DENND5A: variants seen among roughly 807,000 people sequenced by gnomAD.
DENND5A encodes the protein DENN domain-containing protein 5A.
DENND5A carries 64 observed loss-of-function variants against 140.3 expected under a neutral mutation model. That is an observed-to-expected ratio of 0.46 (90% CI 0.37 to 0.56). DENND5A has a LOEUF of 0.56. Ranked by LOEUF, DENND5A falls within the 20% of genes least tolerant of loss-of-function variation. DENND5A has a pLI of 0.00. For missense variants in DENND5A, 1,292 were observed against 1,593.8 expected (o/e 0.81, Z 3.22); for synonymous variants, 605 against 607.7 (o/e 1.00, Z 0.07).
chr11:9,193,203 G>A (rs780663501), intron 5 of DENND5A, among the ~76,000 whole-genome samples: 2 of 152,130 alleles, frequency 1.3e-5, no homozygotes, highest in Admixed American at 1.3e-4. Context: ...ACCCAGCCTG[G>A]GTAACACAGC....
chr11:9,207,165 T>C lies in DENND5A; in HGVS notation c.182-383A>G, dbSNP rs73402362. 4,332 of 456,130 alleles carry C rather than the reference T, an allele frequency of 9.5e-3. 145 individuals are homozygous for C. The highest frequency in any genetic ancestry group is 0.073 in the African/African-American group (3,550 of 48,874). 28.3% of individuals were successfully genotyped at this position (456,130 alleles called of 1,614,324 possible). A position where few individuals can be genotyped will look rare whatever the true frequency, so the allele number is the denominator to read the frequency against. On this transcript the variant is annotated intron_variant, in intron 2 of 22. Transcript: ENST00000328194. ...GTCAACTAAAAACATCACAGAAGCATATTTTACCTAAAATTCAGAATAAAC... is the reference window on the plus strand; with the variant it reads ...GTCAACTAAAAACATCACAGAAGCACATTTTACCTAAAATTCAGAATAAAC...
chr11:9,190,485 C>A (rs1226892300), intron 5 of DENND5A, among the ~76,000 whole-genome samples: 2 of 152,138 alleles, frequency 1.3e-5, no homozygotes, highest in Admixed American at 1.3e-4. Context: ...GGGAGTTTCC[C>A]TGCACAAGCT....
chr11:9,169,074 A>C (rs1848280671), intron 10 of DENND5A, among the ~76,000 whole-genome samples: 1 of 152,208 alleles, frequency 6.6e-6, no homozygotes, highest in African/African-American at 2.4e-5. Context: ...TCTTTTAAAG[A>C]AGAAGAAGAA....
chr11:9,201,408 CA>C (rs752009369), intron 4 of DENND5A, among the ~76,000 whole-genome samples: 65 of 151,266 alleles, frequency 4.3e-4, no homozygotes, highest in Non-Finnish European at 8.1e-4. Context: ...AGGCTGGGCA[CA>C]GTGGCGCCTG....
Position 9,203,909 on chromosome 11 carries a change from G to A in DENND5A, c.700C>T (p.Gln234Ter), listed in dbSNP as rs1554925064. Residue 234 changes from glutamine (Q) to a stop codon, truncating the protein, a stop_gained, in exon 4 of 23, where the codon CAG becomes TAG. Transcript: ENST00000328194. LOFTEE classifies it high-confidence loss of function. Reference protein sequence around the residue: ...EQLHQAVTSPQPPPLPLESYI... With the variant: ...EQLHQAVTSP ...CTCTCAAGGGGCAGTGGAGGGGGCT[G>A]AGGTGAAGTGACTGCCTGGTGGAGT... 1 of 1,614,166 alleles carries A rather than the reference G, an allele frequency of 6.2e-7. No individual in the cohort carries two copies. Among genetic ancestry groups the A allele is most frequent in the African/African-American group, 1.3e-5 (1 of 75,044 alleles).
At position 9,264,970 on chromosome 11, in the gene DENND5A, C is replaced by T. The variant is rs761852742; in HGVS notation, c.100G>A (p.Glu34Lys). Residue 34 changes from glutamate (E) to lysine (K), a missense_variant, in exon 1 of 23, where the codon GAG becomes AAG. Transcript: ENST00000328194. ...LDTETGLEPD[E>K]LSALCQYIQA... ...CTCGGCGCGCACTCACCCGACAGCT[C>T]GTCCGGCTCCAGCCCGGTCTCCGTG... 1.3e-6 allele frequency: 2 copies of T among 1,582,694 alleles called. No homozygotes were observed. Among genetic ancestry groups the T allele is most frequent in the Admixed American group, 1.7e-5 (1 of 57,428 alleles).
At chr11:9,169,222 G>C (rs916066977) in intron 10 of DENND5A, among the ~76,000 whole-genome samples, 1 of 152,058 alleles carries the variant, frequency 6.6e-6, no homozygotes, top group African/African-American at 2.4e-5. Context: ...TGAGGCAGGC[G>C]GATTACCTGA....
intron 1 of DENND5A, among the ~76,000 whole-genome samples, chr11:9,247,074 G>GA (rs1377505796): frequency 2.0e-5 from 3 of 151,826 alleles, no homozygotes; most frequent in Admixed American, 6.6e-5. Flanking sequence ...CTAAAAAATA[G>GA]AAAAAATTAG....
chr11:9,177,067 C>G (rs1459025014), intron 8 of DENND5A, among the ~76,000 whole-genome samples: 1 of 151,534 alleles, frequency 6.6e-6, no homozygotes, highest in Non-Finnish European at 1.5e-5. Flanking sequence ...CCAGCCTGGG[C>G]AACATGGCGA....
intron 8 of DENND5A, among the ~76,000 whole-genome samples, chr11:9,172,533 G>A (rs1165660487): frequency 2.6e-5 from 4 of 152,102 alleles, no homozygotes; most frequent in East Asian, 3.8e-4. Context: ...TCACAGGGGC[G>A]GTTTCCCTCA....
At chr11:9,189,595 T>C (rs1849039384) in intron 5 of DENND5A, among the ~76,000 whole-genome samples, 1 of 150,378 alleles carries the variant, frequency 6.6e-6, no homozygotes, top group African/African-American at 2.4e-5. Context: ...GGAACCCACC[T>C]CTTTTTTTGT....
intron 11 of DENND5A, among the ~76,000 whole-genome samples, chr11:9,164,384 G>T (rs527926945): frequency 2.5e-4 from 38 of 151,528 alleles, no homozygotes; most frequent in African/African-American, 8.7e-4. Flanking sequence ...AATTTATTCT[G>T]CAAGAGACAG....
At chr11:9,256,184 G>A (rs906716809) in intron 1 of DENND5A, among the ~76,000 whole-genome samples, 4 of 152,044 alleles carry the variant, frequency 2.6e-5, no homozygotes, top group East Asian at 3.9e-4. Flanking sequence ...ACTGAAGGCC[G>A]GGCACGGTGG....
chr11:9,160,801 T>C lies in DENND5A; in HGVS notation c.2348A>G (p.Asn783Ser), dbSNP rs1172472837. The change falls in exon 12 of 23, where the codon AAC (asparagine) becomes AGC (serine). Residue 783 changes from asparagine (N) to serine (S), a missense_variant. Asn to Ser is a conservative substitution (Grantham distance 46). Around this residue, in one of 4 missense-constraint regions of DENND5A, gnomAD observed 498 missense variants for 689.7 expected, o/e 0.72. Transcript: ENST00000328194. ...EAVELGHGEV[N>S]ITGVEENTLI... Reference sequence around the variant, plus strand: ...GGTGTTCTCTTCCACCCCTGTGATGTTCACCTCCCCATGCCCTAGCTCCAC... The same window carrying C: ...GGTGTTCTCTTCCACCCCTGTGATGCTCACCTCCCCATGCCCTAGCTCCAC... 6.2e-7 allele frequency: 1 copy of C among 1,614,122 alleles called. No individual in the cohort carries two copies. The highest frequency in any genetic ancestry group is 1.3e-5 in the African/African-American group (1 of 75,062).
chr11:9,248,164 G>C (rs1416175670), intron 1 of DENND5A, among the ~76,000 whole-genome samples: 1 of 151,946 alleles, frequency 6.6e-6, no homozygotes, highest in East Asian at 1.9e-4. Context: ...TGTCTTTTTT[G>C]TAAAGACGGG....
intron 1 of DENND5A, among the ~76,000 whole-genome samples, chr11:9,250,864 T>C (rs901609414): frequency 6.6e-6 from 1 of 152,172 alleles, no homozygotes; most frequent in African/African-American, 2.4e-5. Context: ...CCGGGTGCGG[T>C]GGCTCACGCC....
rs985822208 is a variant in DENND5A, at chr11:9,166,250, T to G, written c.2152-283A>C. 5.7e-4 allele frequency among the ~76,000 whole-genome samples: 87 copies of G among 151,948 alleles called. 1 individual carries two copies. The highest frequency in any genetic ancestry group is 1.1e-3 in the Non-Finnish European group (77 of 67,962). On this transcript the variant is annotated intron_variant, in intron 10 of 22. Coordinates refer to ENST00000328194, the MANE Select transcript of DENND5A (RefSeq NM_015213.4). ...TGTGCCACCACGCCCGGCTAATTTTTTGTATTTTAGTAGAGACGGGGTTTC... is the reference window on the plus strand; with the variant it reads ...TGTGCCACCACGCCCGGCTAATTTTGTGTATTTTAGTAGAGACGGGGTTTC...
chr11:9,179,470 A>C (rs1376464988), intron 6 of DENND5A, among the ~76,000 whole-genome samples: 1 of 151,298 alleles, frequency 6.6e-6, no homozygotes, highest in African/African-American at 2.4e-5. Context: ...TTTTTCCCTC[A>C]TATCACTTTC....
At chr11:9,262,485 T>C (rs560320372) in intron 1 of DENND5A, among the ~76,000 whole-genome samples, 53 of 152,234 alleles carry the variant, frequency 3.5e-4, no homozygotes, top group Middle Eastern at 3.4e-3. Context: ...GCCAGGCCAA[T>C]GAGATGCAGT....
Sources: allele counts gnomAD v4.1 joint callset (sites outside exome capture counted in the v4.1 genomes callset), GRCh38; gene constraint gnomAD v4.1.1; regional missense constraint gnomAD v4.1.1; transcripts MANE v1.5; gene names NCBI Gene and HGNC (gene_info 2026-07-23, HGNC 2026-07-21).